ZDHHC11B: variants seen among roughly 807,000 people sequenced by gnomAD.
ZDHHC11B encodes the protein zDHHC palmitoyltransferase 11B (putative).
In ZDHHC11B, 17 loss-of-function variants were observed where a neutral mutation model predicts 42.3. That is an observed-to-expected ratio of 0.40 (90% CI 0.27 to 0.60). The LOEUF (loss-of-function observed/expected upper bound fraction) is 0.60, where lower values mean the gene tolerates loss of function less well. ZDHHC11B is among the 20% of genes least tolerant of loss of function. ZDHHC11B has a pLI of 0.41. For synonymous variants in ZDHHC11B, 123 were observed against 193.5 expected (o/e 0.64, Z 3.02); for missense variants, 262 against 463.2 (o/e 0.57, Z 3.99).
intron 1 of ZDHHC11B, among the ~76,000 whole-genome samples, chr5:777,701 A>C (rs1395258745): frequency 6.6e-6 from 1 of 150,648 alleles, no homozygotes; most frequent in Non-Finnish European, 1.5e-5. Context: ...TGCATTGACA[A>C]GCCTTTAGCT....
intron 12 of ZDHHC11B, among the ~76,000 whole-genome samples, chr5:726,178 T>C (rs527482763): frequency 2.6e-4 from 39 of 151,658 alleles, no homozygotes; most frequent in African/African-American, 9.5e-4. Context: ...GACCTGTGAT[T>C]AGCAACATCA....
At chr5:728,372 A>G (rs1742750595) in intron 12 of ZDHHC11B, among the ~76,000 whole-genome samples, 2 of 151,916 alleles carry the variant, frequency 1.3e-5, no homozygotes, top group Non-Finnish European at 2.9e-5. Flanking sequence ...TAAGTGTTCT[A>G]CAGAAACAAA....
chr5:715,314 C>A (rs1436989528), intron 13 of ZDHHC11B, among the ~76,000 whole-genome samples: 1 of 150,402 alleles, frequency 6.6e-6, no homozygotes, highest in Non-Finnish European at 1.5e-5. Flanking sequence ...GGCCAAGCGT[C>A]CAGCTCCACT....
intron 1 of ZDHHC11B, among the ~76,000 whole-genome samples, chr5:769,858 G>A (rs1434608872): frequency 2.0e-5 from 3 of 151,968 alleles, no homozygotes; most frequent in Non-Finnish European, 4.4e-5. Context: ...AACCCTTCCT[G>A]ATGCTAGTGA....
intron 1 of ZDHHC11B, among the ~76,000 whole-genome samples, chr5:776,100 T>A (rs1391870100): frequency 1.3e-5 from 2 of 150,134 alleles, no homozygotes; most frequent in African/African-American, 5.0e-5. Context: ...GGGAGCACCC[T>A]CCACCCCAGG....
rs1269478255 is a variant in ZDHHC11B at position 723,727 on chromosome 5, G to A, written c.1058+6707C>T. Among the ~76,000 whole-genome samples the A allele has an allele frequency of 3.5e-5, 4 of 115,092 alleles. No individual in the cohort carries two copies. The East Asian group carries it at 6.7e-4, about 19-fold the overall frequency. The allele number at this position is 115,092 out of a possible 152,430, so 75.5% of individuals were successfully genotyped here. A position where few individuals can be genotyped will look rare whatever the true frequency, so the allele number is the denominator to read the frequency against. ...GTGGCCACTGGGGTTAAGGGCCAGA[G>A]TGTGACCTTCCGTGGTCAGAATGGG... On this transcript the variant is annotated intron_variant, in intron 12 of 13. Transcript: ENST00000508859.
At position 710,620 on chromosome 5, in the gene ZDHHC11B, G is replaced by GGCTCCCATTTCCCAGTACTGT. The variant is rs1561104164; in HGVS notation, c.*1649_*1669dup. The GGCTCCCATTTCCCAGTACTGT allele has an allele frequency of 5.9e-5, 2 of 33,850 alleles. No homozygotes were observed. The highest frequency in any genetic ancestry group is 3.4e-4 in the African/African-American group (2 of 5,872). The allele number at this position is 33,850 out of a possible 1,614,324, so 2.1% of individuals were successfully genotyped here. A position where few individuals can be genotyped will look rare whatever the true frequency, so the allele number is the denominator to read the frequency against. ...TGTGTGCTCCCATTTCTCAGTACTGGGCTCCCATTTCCCAGTACTGTGCTC... is the reference window on the plus strand; with the variant it reads ...TGTGTGCTCCCATTTCTCAGTACTGGGCTCCCATTTCCCAGTACTGTGCTCCCATTTCCCAGTACTGTGCTC... On this transcript the variant is annotated 3_prime_UTR_variant, in exon 14 of 14. Coordinates refer to ENST00000508859, the MANE Select transcript of ZDHHC11B (RefSeq NM_001351303.2).
chr5:754,220 C>A (rs7711392), intron 6 of ZDHHC11B, among the ~76,000 whole-genome samples: 353 of 40,388 alleles, frequency 8.7e-3, no homozygotes, highest in African/African-American at 0.028. Flanking sequence ...AGGGGAAACA[C>A]GTCTCATCTA....
At chr5:777,988 C>G (rs1196291160) in intron 1 of ZDHHC11B, among the ~76,000 whole-genome samples, 1 of 151,882 alleles carries the variant, frequency 6.6e-6, no homozygotes, top group Non-Finnish European at 1.5e-5. Context: ...GCTGAGGCCC[C>G]GCGAGAATTT....
chr5:776,392 A>T (rs749328464), intron 1 of ZDHHC11B, among the ~76,000 whole-genome samples: 1 of 151,952 alleles, frequency 6.6e-6, no homozygotes, highest in African/African-American at 2.4e-5. Flanking sequence ...GGAGGGGATC[A>T]GGACCAGGGA....
At chr5:762,099 A>T (rs1734704512) in intron 4 of ZDHHC11B, among the ~76,000 whole-genome samples, 1 of 118,660 alleles carries the variant, frequency 8.4e-6, no homozygotes, top group Admixed American at 8.9e-5. Flanking sequence ...ACAGCCACTC[A>T]TGGCCCCAGA....
intron 1 of ZDHHC11B, among the ~76,000 whole-genome samples, chr5:769,677 G>A (rs1735815504): frequency 6.6e-6 from 1 of 151,910 alleles, no homozygotes; most frequent in Non-Finnish European, 1.5e-5. Flanking sequence ...ATTACTTCCA[G>A]GCCAACAAAG....
At chr5:716,247 T>G (rs962617950) in intron 13 of ZDHHC11B, among the ~76,000 whole-genome samples, 3 of 151,286 alleles carry the variant, frequency 2.0e-5, no homozygotes, top group Non-Finnish European at 4.4e-5. Context: ...TGGCAGAGCA[T>G]GTCTGGATGG....
chr5:749,660 A>C lies in ZDHHC11B; in HGVS notation c.629-1101T>G, dbSNP rs764235368. On this transcript the variant is annotated intron_variant, in intron 7 of 13. Coordinates refer to ENST00000508859, the MANE Select transcript of ZDHHC11B (RefSeq NM_001351303.2). ...AAACGGAGGAATTCGCTCAGGCCAC[A>C]ATCAATGAACTCACACAAAGACACT... is the stretch of plus-strand genomic sequence containing the variant. 2.3e-5 allele frequency among the ~76,000 whole-genome samples: 3 copies of C among 130,234 alleles called. 1 individual carries two copies. Among genetic ancestry groups the C allele is most frequent in the Non-Finnish European group, 5.1e-5 (3 of 58,544 alleles). The allele number at this position is 130,234 out of a possible 152,430, so 85.4% of individuals were successfully genotyped here.
At chr5:766,971 GC>G in intron 3 of ZDHHC11B, 52 bp from the exon 4 acceptor site, 1 of 1,582,964 alleles carries the variant, frequency 6.3e-7, no homozygotes. Context: ...GGGAGGGCCG[GC>G]CCCACCCACT....
At chr5:761,448 C>T (rs1162123755) in intron 4 of ZDHHC11B, among the ~76,000 whole-genome samples, 13 of 151,808 alleles carry the variant, frequency 8.6e-5, no homozygotes, top group African/African-American at 2.4e-4. Flanking sequence ...GTGGAGAACT[C>T]GGAGGCTGGG....
At chr5:731,525 G>A (rs544877021) in intron 11 of ZDHHC11B, among the ~76,000 whole-genome samples, 13 of 151,200 alleles carry the variant, frequency 8.6e-5, no homozygotes, top group Admixed American at 3.9e-4. Context: ...TGTTGCCTTG[G>A]TGAAGAACGT....
intron 12 of ZDHHC11B, among the ~76,000 whole-genome samples, chr5:729,682 G>A (rs1277506900): frequency 6.6e-5 from 10 of 150,894 alleles, no homozygotes; most frequent in Admixed American, 3.3e-4. Context: ...GTGTAGGAGC[G>A]CAATATCTAA....
intron 1 of ZDHHC11B, among the ~76,000 whole-genome samples, chr5:777,225 A>G (rs932012211): frequency 6.6e-6 from 1 of 151,838 alleles, no homozygotes; most frequent in Admixed American, 6.6e-5. Context: ...GGACTCTCGC[A>G]GTGAGTGTTA....
Sources: gnomAD v4.1 joint callset for allele counts (sites outside exome capture counted in the v4.1 genomes callset) on GRCh38, gnomAD v4.1.1 for gene constraint, MANE v1.5 for transcripts, NCBI Gene and HGNC (gene_info 2026-07-23, HGNC 2026-07-21) for gene names.